The following CDON variants were observed in gnomAD, a reference collection of about 807,000 sequenced individuals.
The protein encoded by CDON is cell adhesion associated, oncogene regulated.
CDON carries 73 observed loss-of-function variants against 120.9 expected under a neutral mutation model. The ratio of observed to expected loss-of-function variants is 0.60; its 90% CI spans 0.50 to 0.73. CDON has a LOEUF of 0.73. CDON is among the 30% of genes least tolerant of loss of function. CDON has a pLI of 0.00. For missense variants in CDON, 1,470 were observed against 1,587.3 expected (o/e 0.93, Z 1.26); for synonymous variants, 566 against 573.5 (o/e 0.99, Z 0.19).
At chr11:126,062,264 G>A (rs565717377) in intron 1 of CDON, among the ~76,000 whole-genome samples, 1 of 152,244 alleles carries the variant, frequency 6.6e-6, no homozygotes, top group African/African-American at 2.4e-5. Context: ...GGGCGCCCTA[G>A]CTCCCCGCTC....
intron 15 of CDON, among the ~76,000 whole-genome samples, chr11:125,984,460 GC>G (rs1295923497): frequency 6.6e-6 from 1 of 152,198 alleles, no homozygotes; most frequent in Non-Finnish European, 1.5e-5. Flanking sequence ...ACTTTGGGAG[GC>G]CGAGGTGAGC....
chr11:125,957,144 T>C lies in CDON; in HGVS notation c.*3798A>G, dbSNP rs1247809521. 1 of 152,464 alleles carries C rather than the reference T, an allele frequency of 6.6e-6. No homozygotes were observed. Among genetic ancestry groups the C allele is most frequent in the East Asian group, 1.9e-4 (1 of 5,190 alleles). The allele number at this position is 152,464 out of a possible 1,614,324, so 9.4% of individuals were successfully genotyped here. ...GCTCCTCCTCATCCTCCCAAGCTCCTCTCCTACCCACCTCCCTTCCCTCCA... is the reference window on the plus strand; with the variant it reads ...GCTCCTCCTCATCCTCCCAAGCTCCCCTCCTACCCACCTCCCTTCCCTCCA... On this transcript the variant is annotated 3_prime_UTR_variant, in exon 20 of 20. Coordinates refer to ENST00000531738, the MANE Select transcript of CDON (RefSeq NM_001378964.1).
At chr11:126,043,971 C>G (rs1948334488) in intron 1 of CDON, among the ~76,000 whole-genome samples, 1 of 152,218 alleles carries the variant, frequency 6.6e-6, no homozygotes, top group African/African-American at 2.4e-5. Context: ...CCCAAAATTT[C>G]AGTGCCCAGG....
chr11:126,022,449 T>G (rs1377571370), intron 2 of CDON, among the ~76,000 whole-genome samples: 11 of 152,236 alleles, frequency 7.2e-5, no homozygotes, highest in Non-Finnish European at 1.3e-4. Context: ...TTTCGTCTGT[T>G]ATTTCTATTA....
chr11:125,964,027 G>T (rs1377293016), intron 18 of CDON, among the ~76,000 whole-genome samples: 2 of 152,142 alleles, frequency 1.3e-5, no homozygotes. Flanking sequence ...CTGGATGCTG[G>T]CGAAGGTGAG....
At chr11:126,040,687 C>T (rs1948233160) in intron 1 of CDON, among the ~76,000 whole-genome samples, 3 of 151,452 alleles carry the variant, frequency 2.0e-5, no homozygotes, top group South Asian at 2.1e-4. Flanking sequence ...TGGTGGCCGG[C>T]GCCTGTAGTC....
At chr11:126,021,740 C>T (rs1947644986) in intron 2 of CDON, among the ~76,000 whole-genome samples, 1 of 152,064 alleles carries the variant, frequency 6.6e-6, no homozygotes, top group South Asian at 2.1e-4. Flanking sequence ...TAGGACTTAA[C>T]AATTAGGGTA....
intron 1 of CDON, among the ~76,000 whole-genome samples, chr11:126,026,226 T>G (rs1054339684): frequency 2.0e-5 from 3 of 152,252 alleles, no homozygotes; most frequent in African/African-American, 7.2e-5. Context: ...TTCACTCACT[T>G]ATTCATTCAT....
At position 125,978,262 on chromosome 11, in the gene CDON, G is replaced by T. The variant is rs183253450; in HGVS notation, c.3356+42C>A. ...AAGGGAAAAATAAAAGGATGCATAT[G>T]CCTTATTCACAACAGCTTGTGCAGA... On this transcript the variant is annotated intron_variant, in intron 18 of 19. Coordinates refer to ENST00000531738, the MANE Select transcript of CDON (RefSeq NM_001378964.1). The T allele has an allele frequency of 1.9e-5, 20 of 1,054,248 alleles. No individual in the cohort carries two copies. The East Asian group carries it at 2.2e-4, about 11-fold the overall frequency. 65.3% of individuals were successfully genotyped at this position (1,054,248 alleles called of 1,614,324 possible). A position where few individuals can be genotyped will look rare whatever the true frequency, so the allele number is the denominator to read the frequency against.
intron 18 of CDON, among the ~76,000 whole-genome samples, chr11:125,965,233 AAAT>A (rs1407501155): frequency 6.6e-6 from 1 of 152,114 alleles, no homozygotes; most frequent in Non-Finnish European, 1.5e-5. Flanking sequence ...GCCTGGCCAA[AAAT>A]AATTCTTAAA....
chr11:125,993,090 C>T (rs1946675999), intron 14 of CDON, among the ~76,000 whole-genome samples: 1 of 152,166 alleles, frequency 6.6e-6, no homozygotes, highest in African/African-American at 2.4e-5. Flanking sequence ...ACTTCCCCTC[C>T]CCCAATTGAC....
At chr11:125,996,459 G>C (rs1218299394) in intron 12 of CDON, among the ~76,000 whole-genome samples, 1 of 150,112 alleles carries the variant, frequency 6.7e-6, no homozygotes, top group Non-Finnish European at 1.5e-5. Context: ...AGCACTTTGG[G>C]AGGCTGAGGC....
chr11:126,021,492 C>A lies in CDON; in HGVS notation c.105G>T (p.Pro35=), dbSNP rs145685615. The A allele has an allele frequency of 2.5e-6, 4 of 1,613,742 alleles. No individual in the cohort carries two copies. Among genetic ancestry groups the A allele is most frequent in the Non-Finnish European group, 2.5e-6 (3 of 1,179,830 alleles). Residue 35 remains proline, a synonymous_variant, in exon 3 of 20, where the codon CCG becomes CCT. Coordinates refer to ENST00000531738, the MANE Select transcript of CDON (RefSeq NM_001378964.1). ...CACCAAGTTTCTGGACAGCAGAGAGCGGCTCAGAAGTAAAATAAGGTGCCA... is the reference window on the plus strand; with the variant it reads ...CACCAAGTTTCTGGACAGCAGAGAGAGGCTCAGAAGTAAAATAAGGTGCCA... ...SDLAPYFTSE[P]LSAVQKLGGP...
Position 126,015,366 on chromosome 11 carries a change from T to C in CDON, c.1073A>G (p.His358Arg), listed in dbSNP as rs777312776. The C allele has an allele frequency of 6.2e-7, 1 of 1,614,160 alleles. No homozygotes were observed. The highest frequency in any genetic ancestry group is 8.5e-7 in the Non-Finnish European group (1 of 1,180,018). ...TTTCAGTCCGTTTCCTGCAGTTAGATGTCGTGCAGAAGGATGAATAGGCTG... is the reference window on the plus strand; with the variant it reads ...TTTCAGTCCGTTTCCTGCAGTTAGACGTCGTGCAGAAGGATGAATAGGCTG... ...NAQPIHPSAR[H>R]LTAGNGLKIS... Residue 358 changes from histidine (H) to arginine (R), a missense_variant, in exon 7 of 20, where the codon CAT becomes CGT. By Grantham distance (29) the His-to-Arg change is conservative. Transcript: ENST00000531738.
At chr11:125,977,506 C>T (rs1946180260) in intron 18 of CDON, among the ~76,000 whole-genome samples, 1 of 152,252 alleles carries the variant, frequency 6.6e-6, no homozygotes, top group South Asian at 2.1e-4. Flanking sequence ...ATTTTATGTA[C>T]TAACTATGAC....
At chr11:126,015,703 T>C (rs1264467500) in intron 6 of CDON, among the ~76,000 whole-genome samples, 193 bp from the exon 7 acceptor site, 1 of 152,192 alleles carries the variant, frequency 6.6e-6, no homozygotes, top group African/African-American at 2.4e-5. Context: ...AAACCATATG[T>C]TGCTAATAAG....
intron 18 of CDON, among the ~76,000 whole-genome samples, chr11:125,963,941 GA>G (rs1342649872): frequency 6.6e-6 from 1 of 152,212 alleles, no homozygotes; most frequent in African/African-American, 2.4e-5. Flanking sequence ...GATGTGTCAT[GA>G]CTACAGAAGA....
chr11:125,984,979 C>T (rs945403708), intron 15 of CDON, among the ~76,000 whole-genome samples: 4 of 152,026 alleles, frequency 2.6e-5, no homozygotes, highest in Non-Finnish European at 2.9e-5. Context: ...ATAGCGATAA[C>T]GAAAGCTAGT....
intron 18 of CDON, 121 bp downstream of exon 18, chr11:125,978,183 T>C: frequency 2.8e-6 from 2 of 720,268 alleles, no homozygotes; most frequent in Middle Eastern, 2.4e-4. Context: ...AAATTTAAGA[T>C]TGCAAATCCT....
Sources: allele counts gnomAD v4.1 joint callset (sites outside exome capture counted in the v4.1 genomes callset), GRCh38; gene constraint gnomAD v4.1.1; transcripts MANE v1.5; gene names NCBI Gene and HGNC (gene_info 2026-07-23, HGNC 2026-07-21).